The following DCDC1 variants were observed in gnomAD, a reference collection of about 807,000 sequenced individuals.
DCDC1 encodes doublecortin domain-containing protein 1.
DCDC1 carries 200 observed loss-of-function variants against 178.3 expected under a neutral mutation model. The observed-to-expected ratio is 1.12, with a 90% CI of 1.00 to 1.26. The LOEUF is 1.26. Among genes scored for constraint, DCDC1 ranks in the 50% most tolerant of loss-of-function variants. The probability of loss-of-function intolerance (pLI) is 0.00; values close to 1 mark genes in which losing one functional copy is unlikely to be tolerated. For missense variants in DCDC1, 1,983 were observed against 1,749.2 expected (o/e 1.13, Z -2.38); for synonymous variants, 690 against 604.8 (o/e 1.14, Z -2.07).
At chr11:31,225,597 TG>T (rs1161031036) in intron 9 of DCDC1, among the ~76,000 whole-genome samples, 1 of 150,428 alleles carries the variant, frequency 6.6e-6, no homozygotes, top group Non-Finnish European at 1.5e-5. Flanking sequence ...CATGCTAATA[TG>T]TACATATACA....
intron 13 of DCDC1, among the ~76,000 whole-genome samples, chr11:31,105,606 A>T (rs896687776): frequency 4.6e-5 from 7 of 151,928 alleles, no homozygotes; most frequent in Non-Finnish European, 8.8e-5. Context: ...TTTGAAATTT[A>T]TCTATGGACA....
chr11:31,351,056 C>T (rs1158210489), intron 1 of DCDC1, among the ~76,000 whole-genome samples: 1 of 151,930 alleles, frequency 6.6e-6, no homozygotes, highest in Non-Finnish European at 1.5e-5. Context: ...AACTACATTT[C>T]AAGATTGACT....
At chr11:31,195,091 C>A (rs1254827103) in intron 9 of DCDC1, among the ~76,000 whole-genome samples, 3 of 151,990 alleles carry the variant, frequency 2.0e-5, no homozygotes, top group African/African-American at 7.2e-5. Context: ...TACTTTCTAG[C>A]CAGGTGTTTA....
intron 20 of DCDC1, among the ~76,000 whole-genome samples, chr11:31,035,570 C>T (rs1953971648): frequency 6.6e-6 from 1 of 152,228 alleles, no homozygotes; most frequent in Non-Finnish European, 1.5e-5. Context: ...GTGCCCTTCT[C>T]ATCCCATCGT....
intron 16 of DCDC1, among the ~76,000 whole-genome samples, chr11:31,092,815 A>ATAAC (rs1316474343): frequency 2.6e-5 from 4 of 152,198 alleles, no homozygotes; most frequent in African/African-American, 9.7e-5. Flanking sequence ...CTGCTGTCAT[A>ATAAC]TAGTTATTCA....
intron 20 of DCDC1, among the ~76,000 whole-genome samples, chr11:30,977,316 A>G (rs1266363560): frequency 6.6e-6 from 1 of 152,232 alleles, no homozygotes; most frequent in Non-Finnish European, 1.5e-5. Flanking sequence ...ATTTGAAAAT[A>G]GCTAGAAGAA....
intron 18 of DCDC1, among the ~76,000 whole-genome samples, chr11:31,066,565 A>C (rs946773922): frequency 2.0e-5 from 3 of 152,210 alleles, no homozygotes; most frequent in African/African-American, 7.2e-5. Flanking sequence ...GATACTAAAT[A>C]ACTTTTAACT....
chr11:31,033,411 A>G (rs1308732715), intron 20 of DCDC1, among the ~76,000 whole-genome samples: 1 of 151,692 alleles, frequency 6.6e-6, no homozygotes, highest in Admixed American at 6.6e-5. Flanking sequence ...TCTGATTTTG[A>G]TTTTTCTATT....
In DCDC1 at chr11:31,072,124, C is replaced by T. The variant is rs554919265; in HGVS notation, c.2298+5741G>A. ...TTTATCTTTATCAGCATTGTATATT[C>T]CTAGTTTTACATCTTCCTAATGTTA... On this transcript the variant is annotated intron_variant, in intron 18 of 38. Transcript: ENST00000684477. 3.9e-5 allele frequency among the ~76,000 whole-genome samples: 6 copies of T among 152,126 alleles called. No individual in the cohort carries two copies. The South Asian group carries it at 1.0e-3, about 26-fold the overall frequency.
chr11:30,871,336 C>G (rs901314402), intron 38 of DCDC1, among the ~76,000 whole-genome samples: 1 of 152,046 alleles, frequency 6.6e-6, no homozygotes, highest in Non-Finnish European at 1.5e-5. Context: ...CCACTGGGAC[C>G]CAGACAGGCA....
chr11:31,261,422 G>A (rs562950206), intron 8 of DCDC1, among the ~76,000 whole-genome samples: 3 of 152,090 alleles, frequency 2.0e-5, no homozygotes, highest in East Asian at 1.9e-4. Context: ...ATACATAATC[G>A]GCCTTCCATC....
rs190228360 is a variant in DCDC1, at chr11:31,276,879, A to G, written c.961-11279T>C. Among the ~76,000 whole-genome samples, 331 of 152,236 alleles carry G rather than the reference A, an allele frequency of 2.2e-3. 2 individuals carry two copies. Among genetic ancestry groups the G allele is most frequent in the African/African-American group, 7.3e-3 (303 of 41,558 alleles). On this transcript the variant is annotated intron_variant, in intron 7 of 38. Transcript: ENST00000684477. ...TTGGTATTTTATTTTTAGAATGTGA[A>G]TGAGAAGTAGATAACCAGAGGAAAT...
chr11:31,106,162 T>A (rs1779747127), intron 13 of DCDC1, among the ~76,000 whole-genome samples: 1 of 152,226 alleles, frequency 6.6e-6, no homozygotes, highest in Admixed American at 6.5e-5. Context: ...TACAAAAATT[T>A]ACACAATGCT....
At chr11:31,061,376 T>G (rs970386947) in intron 20 of DCDC1, among the ~76,000 whole-genome samples, 1 of 152,130 alleles carries the variant, frequency 6.6e-6, no homozygotes, top group African/African-American at 2.4e-5. Flanking sequence ...TAGAATTCAA[T>G]GTACACACAA....
chr11:30,905,292 T>C, intron 30 of DCDC1, 128 bp from the exon 31 acceptor site: 3 of 962,870 alleles, frequency 3.1e-6, no homozygotes, highest in Non-Finnish European at 3.0e-6. Context: ...CTCTTCATGT[T>C]TTATAGATAT....
chr11:30,997,725 G>C (rs1432658795), intron 20 of DCDC1, among the ~76,000 whole-genome samples: 1 of 152,114 alleles, frequency 6.6e-6, no homozygotes, highest in African/African-American at 2.4e-5. Flanking sequence ...AACCAAGACA[G>C]GAATGTTAGA....
intron 21 of DCDC1, among the ~76,000 whole-genome samples, chr11:30,948,375 A>G (rs1291650965): frequency 6.6e-6 from 1 of 152,174 alleles, no homozygotes; most frequent in Non-Finnish European, 1.5e-5. Flanking sequence ...AAATGGAAAA[A>G]CATTCCATGC....
rs114227553 is a variant in DCDC1, at chr11:31,099,551, G to T, written c.1983+2626C>A. Among the ~76,000 whole-genome samples, 301 of 152,230 alleles carry T rather than the reference G, an allele frequency of 2.0e-3. 1 individual carries two copies. The highest frequency in any genetic ancestry group is 7.0e-3 in the African/African-American group (289 of 41,546). ...GCCTAGTTGATTTTGAGCCATGCAA[G>T]AAGTTGTAAGAGGAACAGCATCTAG... On this transcript the variant is annotated intron_variant, in intron 15 of 38. Coordinates refer to ENST00000684477, the MANE Select transcript of DCDC1 (RefSeq NM_001387274.1).
At chr11:31,056,720 A>G (rs1354425234) in intron 20 of DCDC1, among the ~76,000 whole-genome samples, 1 of 152,174 alleles carries the variant, frequency 6.6e-6, no homozygotes, top group Non-Finnish European at 1.5e-5. Flanking sequence ...TCCACAATTT[A>G]GTGGGGAATT....
Sources: gnomAD v4.1 joint callset for allele counts (sites outside exome capture counted in the v4.1 genomes callset) on GRCh38, gnomAD v4.1.1 for gene constraint, MANE v1.5 for transcripts, NCBI Gene and HGNC (gene_info 2026-07-23, HGNC 2026-07-21) for gene names.